PRKG1: variants seen among roughly 807,000 people sequenced by gnomAD.
PRKG1 encodes the protein protein kinase cGMP-dependent 1.
A neutral mutation model predicts 88.1 loss-of-function variants in PRKG1; 35 were observed. That is an observed-to-expected ratio of 0.40 (90% CI 0.30 to 0.53). The LOEUF (loss-of-function observed/expected upper bound fraction) is 0.53. Ranked by LOEUF, PRKG1 falls within the 20% of genes least tolerant of loss-of-function variation. The pLI, the probability that PRKG1 is intolerant of heterozygous loss-of-function variation, is 0.59. For synonymous variants in PRKG1, 303 were observed against 292.5 expected, an observed-to-expected ratio of 1.04 and a Z score of -0.37; for missense variants, 540 against 839.8, an observed-to-expected ratio of 0.64 and a Z score of 4.41.
intron 3 of PRKG1, among the ~76,000 whole-genome samples, chr10:51,764,103 C>G (rs1462286704): frequency 6.6e-6 from 1 of 152,198 alleles, no homozygotes; most frequent in Non-Finnish European, 1.5e-5. Flanking sequence ...ACAAACATTC[C>G]AACCACTGCA....
At chr10:51,560,498 T>C (rs1045036917) in intron 3 of PRKG1, among the ~76,000 whole-genome samples, 3 of 152,070 alleles carry the variant, frequency 2.0e-5, no homozygotes, top group Non-Finnish European at 2.9e-5. Context: ...TTAGTTCTAA[T>C]TTTTTGAAAA....
intron 9 of PRKG1, among the ~76,000 whole-genome samples, chr10:52,170,953 C>A (rs148022883): frequency 5.2e-4 from 79 of 152,250 alleles, no homozygotes; most frequent in African/African-American, 1.7e-3. Context: ...TCTCAAAGCA[C>A]CTGAGGCTAT....
At chr10:51,693,781 A>G (rs1319484227) in intron 3 of PRKG1, among the ~76,000 whole-genome samples, 1 of 152,186 alleles carries the variant, frequency 6.6e-6, no homozygotes, top group Non-Finnish European at 1.5e-5. Context: ...AAGAACAAAC[A>G]TGATAGTTAA....
intron 9 of PRKG1, among the ~76,000 whole-genome samples, chr10:52,190,848 TA>T (rs201166666): frequency 3.3e-5 from 5 of 151,950 alleles, no homozygotes; most frequent in East Asian, 3.9e-4. Context: ...TCGAGTTCTT[TA>T]AAAAAAAATT....
intron 3 of PRKG1, among the ~76,000 whole-genome samples, chr10:51,468,253 G>A (rs1319931029): frequency 6.6e-6 from 1 of 151,762 alleles, no homozygotes; most frequent in Non-Finnish European, 1.5e-5. Flanking sequence ...GAAAAATTAA[G>A]AGAAGAAATG....
chr10:51,111,778 G>A (rs1197850816), intron 1 of PRKG1, among the ~76,000 whole-genome samples: 1 of 152,144 alleles, frequency 6.6e-6, no homozygotes, highest in Non-Finnish European at 1.5e-5. Flanking sequence ...GATGAAGTTA[G>A]CACATGAAGA....
At chr10:51,011,159 A>G (rs991939354) in intron 1 of PRKG1, among the ~76,000 whole-genome samples, 5 of 151,998 alleles carry the variant, frequency 3.3e-5, no homozygotes, top group Admixed American at 3.3e-4. Context: ...CCTTGCAACT[A>G]TGGATATTTT....
At chr10:51,814,350 T>C (rs370238686) in intron 4 of PRKG1, among the ~76,000 whole-genome samples, 1 of 152,324 alleles carries the variant, frequency 6.6e-6, no homozygotes, top group African/African-American at 2.4e-5. Context: ...TGATTTCCCT[T>C]TCCCCATATT....
At chr10:52,170,079 T>C (rs1838623083) in intron 9 of PRKG1, among the ~76,000 whole-genome samples, 1 of 152,182 alleles carries the variant, frequency 6.6e-6, no homozygotes, top group Non-Finnish European at 1.5e-5. Flanking sequence ...CTAAAGAACC[T>C]ATAAAAATAA....
intron 2 of PRKG1, among the ~76,000 whole-genome samples, chr10:51,463,956 C>A (rs1370428847): frequency 6.6e-6 from 1 of 152,128 alleles, no homozygotes; most frequent in East Asian, 1.9e-4. Flanking sequence ...TCATTTATGT[C>A]TTTCTGTTTA....
chr10:51,961,281 T>C (rs906938827), intron 5 of PRKG1, among the ~76,000 whole-genome samples: 2 of 152,102 alleles, frequency 1.3e-5, no homozygotes, highest in African/African-American at 4.8e-5. Context: ...ATATGAAAAG[T>C]TGACCCTCGT....
At chr10:51,247,781 G>A (rs1032335744) in intron 2 of PRKG1, among the ~76,000 whole-genome samples, 10 of 151,694 alleles carry the variant, frequency 6.6e-5, no homozygotes, top group Non-Finnish European at 1.0e-4. Context: ...CTCTGATGGC[G>A]TTCTTTTCTC....
intron 3 of PRKG1, among the ~76,000 whole-genome samples, chr10:51,605,796 A>G (rs2132234829): frequency 6.6e-6 from 1 of 152,322 alleles, no homozygotes; most frequent in South Asian, 2.1e-4. Context: ...GGGGGAGCCA[A>G]TAGAGTATAG....
At chr10:52,018,385 GGTTT>G (rs1845097388) in intron 5 of PRKG1, among the ~76,000 whole-genome samples, 1 of 152,064 alleles carries the variant, frequency 6.6e-6, no homozygotes, top group Non-Finnish European at 1.5e-5. Context: ...TTGTTGAATA[GGTTT>G]TTTATGTCCA....
chr10:52,143,275 G>A (rs1446621153), intron 8 of PRKG1, among the ~76,000 whole-genome samples: 1 of 152,026 alleles, frequency 6.6e-6, no homozygotes, highest in Non-Finnish European at 1.5e-5. Flanking sequence ...ATAGAGCAGG[G>A]TCCCTGAAGC....
At chr10:51,656,591 C>T (rs918872811) in intron 3 of PRKG1, among the ~76,000 whole-genome samples, 1 of 152,106 alleles carries the variant, frequency 6.6e-6, no homozygotes, top group African/African-American at 2.4e-5. Context: ...TCTTAGTCCT[C>T]GCCTTGGCTA....
At chr10:51,616,862 A>G (rs1284911633) in intron 3 of PRKG1, among the ~76,000 whole-genome samples, 1 of 152,126 alleles carries the variant, frequency 6.6e-6, no homozygotes, top group Non-Finnish European at 1.5e-5. Flanking sequence ...CTCAGGACCA[A>G]AAAGGTGGTG....
intron 4 of PRKG1, among the ~76,000 whole-genome samples, chr10:51,898,387 A>T (rs985883547): frequency 4.0e-5 from 6 of 151,842 alleles, no homozygotes; most frequent in Non-Finnish European, 5.9e-5. Flanking sequence ...TTTATTCTTT[A>T]TTTTCTATTT....
chr10:51,900,983 T>A (rs73333492), intron 4 of PRKG1, among the ~76,000 whole-genome samples: 14 of 152,272 alleles, frequency 9.2e-5, no homozygotes, highest in African/African-American at 2.9e-4. Context: ...CAGGAAGAAT[T>A]TCATACTTTA....
Sources: allele counts gnomAD v4.1 joint callset (sites outside exome capture counted in the v4.1 genomes callset), GRCh38; gene constraint gnomAD v4.1.1; transcripts MANE v1.5; gene names NCBI Gene and HGNC (gene_info 2026-07-23, HGNC 2026-07-21).